KIF5B: variants seen among roughly 807,000 people sequenced by gnomAD.
The protein encoded by KIF5B is kinesin family member 5B, also known as kinesin-1 heavy chain.
A neutral mutation model predicts 132.8 loss-of-function variants in KIF5B; 49 were observed. The ratio of observed to expected loss-of-function variants is 0.37; its 90% CI spans 0.29 to 0.47. The LOEUF (loss-of-function observed/expected upper bound fraction) is 0.47, where lower values mean the gene tolerates loss of function less well. Ranked by LOEUF, KIF5B falls within the 20% of genes least tolerant of loss-of-function variation. The pLI is 1.00. For missense variants in KIF5B, 780 were observed against 1,144.0 expected (o/e 0.68, Z 4.59); for synonymous variants, 355 against 369.4 (o/e 0.96, Z 0.45).
At chr10:32,020,933 G>C (rs1327998222) in intron 19 of KIF5B, 89 bp downstream of exon 19, 1 of 609,618 alleles carries the variant, frequency 1.6e-6, no homozygotes, top group East Asian at 2.8e-5. Flanking sequence ...ATGTAATTTT[G>C]ATGAAAACTG....
chr10:32,021,439 C>A, intron 17 of KIF5B, 152 bp from the exon 18 acceptor site: 1 of 628,502 alleles, frequency 1.6e-6, no homozygotes, highest in Admixed American at 2.8e-5. Context: ...AGTTCAATGA[C>A]ATGTAGACTA....
chr10:32,035,812 C>T, intron 9 of KIF5B, 78 bp downstream of exon 9: 2 of 1,313,086 alleles, frequency 1.5e-6, no homozygotes, highest in Non-Finnish European at 2.1e-6. Context: ...CTCTCATACA[C>T]ACCCAGGCAC....
At chr10:32,011,873 CCTT>C (rs1841086760) in intron 25 of KIF5B, among the ~76,000 whole-genome samples, 1 of 151,612 alleles carries the variant, frequency 6.6e-6, no homozygotes, top group South Asian at 2.1e-4. Flanking sequence ...TGGTCAGTGA[CCTT>C]CTTAAACCAA....
intron 15 of KIF5B, among the ~76,000 whole-genome samples, chr10:32,024,972 C>A (rs1841315713): frequency 1.3e-5 from 2 of 150,638 alleles, no homozygotes; most frequent in Admixed American, 1.3e-4. Flanking sequence ...AGCTATTTGG[C>A]AGGCTGAGGC....
At chr10:32,039,121 TAA>T (rs1378739516) in intron 4 of KIF5B, among the ~76,000 whole-genome samples, 1 of 152,180 alleles carries the variant, frequency 6.6e-6, no homozygotes, top group Admixed American at 6.5e-5. Context: ...TGAAGGAGGC[TAA>T]AGACTTAATC....
At chr10:32,036,472 T>A (rs973517401) in intron 8 of KIF5B, among the ~76,000 whole-genome samples, 2 of 151,908 alleles carry the variant, frequency 1.3e-5, no homozygotes, top group African/African-American at 2.4e-5. Flanking sequence ...CAGGCTGGAG[T>A]GCAGTGGCTT....
At chr10:32,037,124 G>A (rs1208032418) in intron 8 of KIF5B, 130 bp downstream of exon 8, 23 of 743,252 alleles carry the variant, frequency 3.1e-5, no homozygotes, top group African/African-American at 5.3e-5. Context: ...TGGCATCAGC[G>A]GTTACAAATC....
At chr10:32,042,715 C>T (rs1025754634) in intron 2 of KIF5B, among the ~76,000 whole-genome samples, 1 of 152,166 alleles carries the variant, frequency 6.6e-6, no homozygotes, top group Non-Finnish European at 1.5e-5. Context: ...CAGAGGTGGA[C>T]AACTCTGAAC....
intron 17 of KIF5B, 82 bp from the exon 18 acceptor site, chr10:32,021,369 A>G: frequency 1.0e-6 from 1 of 970,932 alleles, no homozygotes; most frequent in Non-Finnish European, 1.6e-6. Context: ...TGGATTTTAC[A>G]ATAAGCATTT....
chr10:32,053,940 T>C (rs568931240), intron 1 of KIF5B, among the ~76,000 whole-genome samples: 6 of 152,300 alleles, frequency 3.9e-5, no homozygotes, highest in Non-Finnish European at 8.8e-5. Flanking sequence ...AATAAATGTA[T>C]GTTTCCTTTG....
intron 11 of KIF5B, 113 bp from the exon 12 acceptor site, chr10:32,034,151 C>G: frequency 1.6e-6 from 1 of 637,708 alleles, no homozygotes. Flanking sequence ...CAATCTGTCA[C>G]CCTGGCTGGA....
chr10:32,020,984 C>T (rs756189027), intron 19 of KIF5B, 38 bp downstream of exon 19: 7 of 1,143,652 alleles, frequency 6.1e-6, no homozygotes, highest in South Asian at 3.8e-5. Context: ...CATCAGTAAC[C>T]GATTCTTTCC....
rs553980502 is a variant in KIF5B, at chr10:32,056,343, C to G, written c.-370G>C. ...CTTCTTCCTCCTCGCGAAGAGCAGGCCGGGCCTACCCGTCCGCCCGCTCTG... is the reference window on the plus strand; with the variant it reads ...CTTCTTCCTCCTCGCGAAGAGCAGGGCGGGCCTACCCGTCCGCCCGCTCTG... On this transcript the variant is annotated 5_prime_UTR_variant, in exon 1 of 26. Coordinates refer to ENST00000302418, the MANE Select transcript of KIF5B (RefSeq NM_004521.3). 58 of 244,896 alleles carry G rather than the reference C, an allele frequency of 2.4e-4. 1 individual carries two copies. Among genetic ancestry groups the G allele is most frequent in the South Asian group, 2.1e-3 (49 of 23,486 alleles). 15.2% of individuals were successfully genotyped at this position (244,896 alleles called of 1,614,324 possible).
chr10:32,055,709 T>C, intron 1 of KIF5B, 139 bp downstream of exon 1: 3 of 1,190,398 alleles, frequency 2.5e-6, no homozygotes, highest in Non-Finnish European at 3.5e-6. Context: ...CACTGGGTTA[T>C]CTGAACCGGC....
chr10:32,021,893 A>T (rs1358001757), intron 17 of KIF5B, among the ~76,000 whole-genome samples: 2 of 152,070 alleles, frequency 1.3e-5, no homozygotes, highest in Non-Finnish European at 2.9e-5. Context: ...AATCACTGGA[A>T]CCCAGGAGGT....
intron 5 of KIF5B, 105 bp from the exon 6 acceptor site, chr10:32,038,323 C>T (rs1271365948): frequency 7.8e-6 from 6 of 765,656 alleles, no homozygotes; most frequent in South Asian, 3.3e-5. Flanking sequence ...AATAGTTGAA[C>T]TCTAAAAACA....
intron 15 of KIF5B, among the ~76,000 whole-genome samples, chr10:32,027,311 G>A (rs1250696590): frequency 6.6e-6 from 1 of 152,122 alleles, no homozygotes; most frequent in African/African-American, 2.4e-5. Flanking sequence ...TCAGTTAAGA[G>A]TCTTAGTTTG....
rs894185116 is a variant in KIF5B at position 32,034,901 on chromosome 10, T to C, written c.963-63A>G. The C allele has an allele frequency of 8.6e-6, 11 of 1,275,810 alleles. No homozygotes were observed. In the African/African-American group the frequency reaches 1.4e-4, roughly 16 times the overall value. 79.0% of individuals were successfully genotyped at this position (1,275,810 alleles called of 1,614,324 possible). A position where few individuals can be genotyped will look rare whatever the true frequency, so the allele number is the denominator to read the frequency against. ...GAAATTATTTTTAATTTTATCTATA[T>C]GGAATATATGTATATATGGCTAAGA... On this transcript the variant is annotated intron_variant, in intron 10 of 25. Transcript: ENST00000302418.
intron 11 of KIF5B, among the ~76,000 whole-genome samples, chr10:32,034,312 A>C (rs1483388877): frequency 6.6e-6 from 1 of 152,022 alleles, no homozygotes; most frequent in Admixed American, 6.6e-5. Flanking sequence ...GGGTTTCAAC[A>C]TGTTGGCCAG....
Sources: allele counts gnomAD v4.1 joint callset (sites outside exome capture counted in the v4.1 genomes callset), GRCh38; gene constraint gnomAD v4.1.1; transcripts MANE v1.5; gene names NCBI Gene and HGNC (gene_info 2026-07-23, HGNC 2026-07-21).